The following ZNF292 variants were observed in gnomAD, a reference collection of about 807,000 sequenced individuals.
ZNF292 encodes 16 zinc-finger domain protein.
In ZNF292, 26 loss-of-function variants were observed where a neutral mutation model predicts 217.9. The observed-to-expected ratio is 0.12, with a 90% CI of 0.09 to 0.17. The LOEUF (loss-of-function observed/expected upper bound fraction) is 0.17, where lower values mean the gene tolerates loss of function less well. ZNF292 is among the 10% of genes least tolerant of loss of function. ZNF292 has a pLI of 1.00. For missense variants in ZNF292, 2,904 were observed against 3,175.2 expected, an observed-to-expected ratio of 0.91 and a Z score of 2.05; for synonymous variants, 1,257 against 1,124.1, an observed-to-expected ratio of 1.12 and a Z score of -2.37.
chr6:87,173,637 T>C (rs1486180383), intron 1 of ZNF292: 2 of 152,448 alleles, frequency 1.3e-5, no homozygotes, highest in Non-Finnish European at 2.9e-5. Context: ...CATCATCCAC[T>C]TCATTCATCT....
intron 1 of ZNF292, among the ~76,000 whole-genome samples, chr6:87,179,647 T>C (rs998847584): frequency 3.9e-5 from 6 of 152,208 alleles, no homozygotes; most frequent in African/African-American, 4.8e-5. Context: ...TTTCGGCTTA[T>C]ATAGTTTTTC....
chr6:87,263,813 G>T lies in ZNF292; in HGVS notation c.*2012G>T, dbSNP rs1392128047. ...CTTAGAAATTGACCTAGCTCTTAAA[G>T]GTGGGCACTTGGCAAAACTGCCCTA... is the stretch of plus-strand genomic sequence containing the variant. On this transcript the variant is annotated 3_prime_UTR_variant, in exon 8 of 8. Transcript: ENST00000369577. 1.3e-5 allele frequency: 2 copies of T among 152,018 alleles called. No homozygotes were observed. Among genetic ancestry groups the T allele is most frequent in the African/African-American group, 4.8e-5 (2 of 41,398 alleles). The allele number at this position is 152,018 out of a possible 1,614,324, so 9.4% of individuals were successfully genotyped here. A position where few individuals can be genotyped will look rare whatever the true frequency, so the allele number is the denominator to read the frequency against.
At chr6:87,160,923 C>T (rs1582362525) in intron 1 of ZNF292, among the ~76,000 whole-genome samples, 2 of 152,098 alleles carry the variant, frequency 1.3e-5, no homozygotes, top group East Asian at 1.9e-4. Flanking sequence ...CCTCTAAGTA[C>T]CCTTTTCAGA....
At chr6:87,202,788 G>T (rs1278773164) in intron 1 of ZNF292, among the ~76,000 whole-genome samples, 1 of 149,116 alleles carries the variant, frequency 6.7e-6, no homozygotes, top group African/African-American at 2.5e-5. Flanking sequence ...TAGTTACCCT[G>T]GTACAAAAGT....
intron 5 of ZNF292, 92 bp downstream of exon 5, chr6:87,233,619 G>A (rs960201582): frequency 4.0e-6 from 6 of 1,513,752 alleles, no homozygotes; most frequent in African/African-American, 1.4e-5. Flanking sequence ...CTCTTAGATA[G>A]CGAAGAGATC....
intron 7 of ZNF292, among the ~76,000 whole-genome samples, chr6:87,246,185 C>G (rs570875420): frequency 3.5e-4 from 54 of 152,258 alleles, no homozygotes; most frequent in Non-Finnish European, 7.1e-4. Flanking sequence ...GAGCTGAGAT[C>G]GTGCCTCTGC....
chr6:87,187,964 C>T (rs962432545), intron 1 of ZNF292, among the ~76,000 whole-genome samples: 5 of 152,034 alleles, frequency 3.3e-5, no homozygotes, highest in African/African-American at 4.8e-5. Context: ...GAATGCTGGC[C>T]GGTGTTTGCT....
chr6:87,188,796 T>C (rs1039874828), intron 1 of ZNF292, among the ~76,000 whole-genome samples: 2 of 151,340 alleles, frequency 1.3e-5, no homozygotes, highest in Admixed American at 6.6e-5. Context: ...TTAAACTGTT[T>C]AATAAAAAAA....
At chr6:87,209,104 A>AACC (rs1772370238) in intron 1 of ZNF292, among the ~76,000 whole-genome samples, 3 of 137,298 alleles carry the variant, frequency 2.2e-5, no homozygotes, top group Non-Finnish European at 3.1e-5. Flanking sequence ...CCCCACTTTC[A>AACC]CCCCCCCCTC....
In ZNF292 at chr6:87,258,050, G is replaced by A. The variant is rs762093135; in HGVS notation, c.4421G>A (p.Gly1474Asp). The A allele has an allele frequency of 1.1e-5, 18 of 1,613,656 alleles. No individual in the cohort carries two copies. The highest frequency in any genetic ancestry group is 1.3e-5 in the African/African-American group (1 of 74,910). ...AFLPNTFPRSGVTNFNTSVSQ... is the reference protein window; with the variant it reads ...AFLPNTFPRSDVTNFNTSVSQ... ...TTACCAAATACATTTCCTCGATCTG[G>A]TGTGACTAACTTTAATACCAGTGTC... The change falls in exon 8 of 8, where the codon GGT becomes GAT. Residue 1474 changes from glycine to aspartate, a missense_variant. Gly to Asp is a moderately conservative substitution (Grantham distance 94). Around this residue, in one of 15 missense-constraint regions of ZNF292, gnomAD observed 622 missense variants for 573.1 expected, o/e 1.09. Coordinates refer to ENST00000369577, the MANE Select transcript of ZNF292 (RefSeq NM_015021.3).
rs756633799 is a variant in ZNF292 at position 87,259,039 on chromosome 6, A to T, written c.5410A>T (p.Asn1804Tyr). The T allele has an allele frequency of 2.5e-6, 4 of 1,613,420 alleles. No individual in the cohort carries two copies. The highest frequency in any genetic ancestry group is 3.4e-6 in the Non-Finnish European group (4 of 1,179,684). The change falls in exon 8 of 8, where the codon AAC becomes TAC. Residue 1804 changes from asparagine to tyrosine, a missense_variant. This residue lies in a region of ZNF292 where 622 missense variants were observed against 573.1 expected (regional missense o/e 1.09). Transcript: ENST00000369577. ...QLPSVNTVQN[N>Y]KLPDSSPFSS... ...TCCTTCAGTAAACACTGTGCAAAAT[A>T]ACAAATTACCCGATTCTTCTCCGTT...
intron 1 of ZNF292, among the ~76,000 whole-genome samples, chr6:87,215,294 T>TA (rs146379041): frequency 1.3e-5 from 2 of 152,204 alleles, no homozygotes; most frequent in Admixed American, 6.5e-5. Context: ...TATTTTTAAT[T>TA]AAAAAAACAC....
intron 4 of ZNF292, among the ~76,000 whole-genome samples, chr6:87,225,813 G>A (rs946206519): frequency 6.6e-6 from 1 of 152,150 alleles, no homozygotes; most frequent in Non-Finnish European, 1.5e-5. Context: ...AGTAAGAGTA[G>A]AAGAAATATA....
Position 87,255,587 on chromosome 6 carries a change from G to T in ZNF292, c.1958G>T (p.Gly653Val). The T allele has an allele frequency of 3.7e-6, 6 of 1,611,248 alleles. No homozygotes were observed. The highest frequency in any genetic ancestry group is 5.1e-6 in the Non-Finnish European group (6 of 1,178,418). Residue 653 changes from glycine to valine, a missense_variant, in exon 8 of 8, where the codon GGT becomes GTT. Physicochemically the swap from Gly to Val is moderately radical, Grantham distance 109. This residue lies in a region of ZNF292 where 216 missense variants were observed against 308.3 expected (regional missense o/e 0.70). Transcript: ENST00000369577. ...TDFIVFNDND[G>V]SDDENDDKDK... ...TTTATAGTGTTTAATGACAATGATG[G>T]TTCAGATGATGAGAATGATGACAAA...
chr6:87,175,851 TG>T (rs1290747041), intron 1 of ZNF292, among the ~76,000 whole-genome samples: 1 of 152,360 alleles, frequency 6.6e-6, no homozygotes, highest in African/African-American at 2.4e-5. Flanking sequence ...AACTGATGCC[TG>T]GCTGTGGATT....
chr6:87,187,366 T>C (rs1352385028), intron 1 of ZNF292, among the ~76,000 whole-genome samples: 1 of 152,188 alleles, frequency 6.6e-6, no homozygotes, highest in South Asian at 2.1e-4. Flanking sequence ...TACTAAATCT[T>C]AATGCTTAGC....
rs760034769 is a variant in ZNF292 at position 87,260,316 on chromosome 6, A to C, written c.6687A>C (p.Thr2229=). The part of the protein sequence containing the change: ...DQLECKSSFT[T]YLNYVVHLEA... ...TAGAGTGTAAATCTTCATTTACTAC[A>C]TATTTGAACTATGTTGTTCATCTAG... The change falls in exon 8 of 8, where the codon ACA becomes ACC. Residue 2229 remains threonine, a synonymous_variant. Coordinates refer to ENST00000369577, the MANE Select transcript of ZNF292 (RefSeq NM_015021.3). 18 of 1,613,564 alleles carry C rather than the reference A, an allele frequency of 1.1e-5. No homozygotes were observed. In the South Asian group the frequency reaches 1.8e-4, roughly 16 times the overall value.
intron 7 of ZNF292, among the ~76,000 whole-genome samples, chr6:87,246,361 A>G (rs919699576): frequency 2.0e-5 from 3 of 152,262 alleles, no homozygotes; most frequent in African/African-American, 7.2e-5. Context: ...CAAATACGTG[A>G]TAAAATAAAA....
rs751579816 is a variant in ZNF292, at chr6:87,255,623, A to G, written c.1994A>G (p.Tyr665Cys). The G allele has an allele frequency of 9.3e-6, 15 of 1,612,362 alleles. No homozygotes were observed. Among genetic ancestry groups the G allele is most frequent in the African/African-American group, 2.7e-5 (2 of 74,928 alleles). ...GAGAATGATGACAAAGATAAATCCT[A>G]TGAGCCAGAAGTGATTCCAGTCCAG... ...DDENDDKDKS[Y>C]EPEVIPVQKP... Residue 665 changes from tyrosine to cysteine, a missense_variant, in exon 8 of 8, where the codon TAT becomes TGT. Physicochemically the swap from Tyr to Cys is radical, Grantham distance 194 (BLOSUM62 -2). Coordinates refer to ENST00000369577, the MANE Select transcript of ZNF292 (RefSeq NM_015021.3).
Sources: allele counts gnomAD v4.1 joint callset (sites outside exome capture counted in the v4.1 genomes callset), GRCh38; gene constraint gnomAD v4.1.1; regional missense constraint gnomAD v4.1.1; transcripts MANE v1.5; gene names NCBI Gene and HGNC (gene_info 2026-07-23, HGNC 2026-07-21).